The following DTL variants were observed in gnomAD, a reference collection of about 807,000 sequenced individuals.
DTL encodes the protein denticleless protein homolog.
In DTL, 46 loss-of-function variants were observed where a neutral mutation model predicts 87.0. That is an observed-to-expected ratio of 0.53 (90% CI 0.42 to 0.68). The LOEUF (loss-of-function observed/expected upper bound fraction) is 0.68. DTL is among the 30% of genes least tolerant of loss of function. DTL has a pLI of 0.00. For synonymous variants in DTL, 308 were observed against 311.2 expected, an observed-to-expected ratio of 0.99 and a Z score of 0.11; for missense variants, 737 against 869.4, an observed-to-expected ratio of 0.85 and a Z score of 1.91.
rs756978216 is a variant in DTL, at chr1:212,064,937, A to G, written c.547A>G (p.Asn183Asp). Residue 183 changes from asparagine (N) to aspartate (D), a missense_variant, in exon 7 of 15, where the codon AAT (asparagine) becomes GAT (aspartate). Physicochemically the swap from Asn to Asp is conservative, Grantham distance 23. Transcript: ENST00000366991. The part of the protein sequence containing the change: ...NKKDGFYRQV[N>D]QISGAHNTSD... ...TTCAGATGGGTTTTATAGGCAAGTG[A>G]ATCAAATCAGTGGAGCTCACAATAC... The G allele has an allele frequency of 6.2e-7, 1 of 1,614,078 alleles. No individual in the cohort carries two copies. Among genetic ancestry groups the G allele is most frequent in the Non-Finnish European group, 8.5e-7 (1 of 1,179,954 alleles).
intron 5 of DTL, among the ~76,000 whole-genome samples, chr1:212,048,016 G>C (rs17018403): frequency 0.026 from 3,997 of 152,212 alleles, 60 homozygotes; most frequent in African/African-American, 0.047. Context: ...GTTCAACCTT[G>C]ATTGTTCATT....
chr1:212,068,130 G>A, intron 8 of DTL, 94 bp from the exon 9 acceptor site: 3 of 722,618 alleles, frequency 4.2e-6, no homozygotes, highest in South Asian at 3.8e-5. Context: ...TGTGCCAGAG[G>A]AGTTAGATTA....
At chr1:212,066,293 T>G (rs1199486542) in intron 7 of DTL, among the ~76,000 whole-genome samples, 1 of 152,152 alleles carries the variant, frequency 6.6e-6, no homozygotes, top group African/African-American at 2.4e-5. Context: ...CCATATGAAG[T>G]TAAAACGAGT....
At chr1:212,060,842 T>G (rs550089391) in intron 5 of DTL, among the ~76,000 whole-genome samples, 20 of 151,960 alleles carry the variant, frequency 1.3e-4, no homozygotes, top group Non-Finnish European at 2.6e-4. Context: ...GGATATTGGT[T>G]TAGGCAAAGA....
rs1414475905 is a variant in DTL at position 212,059,135 on chromosome 1, A to C, written c.461-3749A>C. Among the ~76,000 whole-genome samples, 5 of 152,310 alleles carry C rather than the reference A, an allele frequency of 3.3e-5. No homozygotes were observed. In the East Asian group the frequency reaches 9.6e-4, roughly 29 times the overall value. Reference sequence around the variant, plus strand: ...AACACCAGTTCTCAAACTATTCCAAAAATTGAAAAGGATGGGAATTCTCCC... The same window carrying C: ...AACACCAGTTCTCAAACTATTCCAACAATTGAAAAGGATGGGAATTCTCCC... On this transcript the variant is annotated intron_variant, in intron 5 of 14. Transcript: ENST00000366991.
chr1:212,048,260 G>A (rs1667863767), intron 5 of DTL, among the ~76,000 whole-genome samples: 1 of 152,124 alleles, frequency 6.6e-6, no homozygotes, highest in Non-Finnish European at 1.5e-5. Flanking sequence ...CTCGATCTCA[G>A]CTCACTGCAG....
chr1:212,079,908 C>T (rs187597335), intron 12 of DTL, among the ~76,000 whole-genome samples: 28 of 152,248 alleles, frequency 1.8e-4, no homozygotes, highest in African/African-American at 5.5e-4. Context: ...ATTATATAAA[C>T]AAATGCTGGG....
At chr1:212,098,995 A>G (rs922317284) in intron 13 of DTL, among the ~76,000 whole-genome samples, 12 of 152,098 alleles carry the variant, frequency 7.9e-5, no homozygotes, top group African/African-American at 2.4e-4. Context: ...CCTTCTCCCT[A>G]TGGTCCTTCC....
intron 5 of DTL, among the ~76,000 whole-genome samples, chr1:212,061,745 C>T (rs1654324836): frequency 2.0e-5 from 3 of 152,138 alleles, no homozygotes; most frequent in African/African-American, 7.2e-5. Flanking sequence ...TTATGTTAAA[C>T]AAGCCAGGCA....
chr1:212,075,165 C>G (rs1654793073), intron 11 of DTL, among the ~76,000 whole-genome samples: 1 of 152,120 alleles, frequency 6.6e-6, no homozygotes, highest in South Asian at 2.1e-4. Flanking sequence ...TCCAACTGGG[C>G]AGAGAAGAGA....
At chr1:212,072,923 C>T (rs1001633550) in intron 11 of DTL, among the ~76,000 whole-genome samples, 1 of 151,948 alleles carries the variant, frequency 6.6e-6, no homozygotes, top group Non-Finnish European at 1.5e-5. Context: ...GCCACCACGC[C>T]CGGCTAATTT....
At chr1:212,041,967 A>G (rs531809216) in intron 1 of DTL, among the ~76,000 whole-genome samples, 2 of 152,306 alleles carry the variant, frequency 1.3e-5, no homozygotes, top group Admixed American at 1.3e-4. Context: ...ATCCAAATGT[A>G]GATTTGTCTG....
chr1:212,060,329 A>G (rs1330159008), intron 5 of DTL, among the ~76,000 whole-genome samples: 2 of 152,228 alleles, frequency 1.3e-5, no homozygotes, highest in East Asian at 3.8e-4. Context: ...CCATATATTT[A>G]CAGCCAATTG....
intron 12 of DTL, among the ~76,000 whole-genome samples, chr1:212,079,037 A>G (rs1654917459): frequency 1.3e-5 from 2 of 151,870 alleles, no homozygotes; most frequent in African/African-American, 4.8e-5. Context: ...TCTGTTTTTT[A>G]TCTTCCAGAA....
intron 1 of DTL, among the ~76,000 whole-genome samples, chr1:212,042,435 A>G (rs781544451): frequency 5.9e-5 from 9 of 152,222 alleles, no homozygotes; most frequent in Non-Finnish European, 1.3e-4. Flanking sequence ...TTCACTTTAC[A>G]ATTTCTCTAA....
At chr1:212,065,305 A>T (rs536860245) in intron 7 of DTL, among the ~76,000 whole-genome samples, 12 of 152,318 alleles carry the variant, frequency 7.9e-5, no homozygotes, top group African/African-American at 2.6e-4. Flanking sequence ...AATTAGATTG[A>T]ATTAAACATA....
chr1:212,064,947 G>T lies in DTL; in HGVS notation c.557G>T (p.Ser186Ile), dbSNP rs1571957876. The change falls in exon 7 of 15, where the codon AGT becomes ATT. Residue 186 changes from serine to isoleucine, a missense_variant. Physicochemically the swap from Ser to Ile is moderately radical, Grantham distance 142. Coordinates refer to ENST00000366991, the MANE Select transcript of DTL (RefSeq NM_016448.4). ...DGFYRQVNQI[S>I]GAHNTSDKQT... is the part of the protein sequence containing the mutation. ...TTTTATAGGCAAGTGAATCAAATCA[G>T]TGGAGCTCACAATACCTCAGACAAG... 2 of 1,614,076 alleles carry T rather than the reference G, an allele frequency of 1.2e-6. No individual in the cohort carries two copies. Among genetic ancestry groups the T allele is most frequent in the African/African-American group, 2.7e-5 (2 of 75,030 alleles).
At position 212,080,359 on chromosome 1, in the gene DTL, GA is replaced by G. The variant is rs1262975127; in HGVS notation, c.1126-253del. On this transcript the variant is annotated intron_variant, in intron 12 of 14. Transcript: ENST00000366991. ...AGAGCCAGAACTTTAGATTAGATAA[GA>G]AATGACCAGTAACAAAAGACATACT... 5 of 288,134 alleles carry G rather than the reference GA, an allele frequency of 1.7e-5. No homozygotes were observed. The Admixed American group carries it at 1.9e-4, about 11-fold the overall frequency. 17.8% of individuals were successfully genotyped at this position (288,134 alleles called of 1,614,324 possible).
intron 13 of DTL, among the ~76,000 whole-genome samples, chr1:212,085,907 C>T (rs1299120612): frequency 6.6e-6 from 1 of 152,092 alleles, no homozygotes; most frequent in Non-Finnish European, 1.5e-5. Context: ...GTCATGGCAC[C>T]CTTGGTAAAA....
Sources: gnomAD v4.1 joint callset for allele counts (sites outside exome capture counted in the v4.1 genomes callset) on GRCh38, gnomAD v4.1.1 for gene constraint, MANE v1.5 for transcripts, NCBI Gene and HGNC (gene_info 2026-07-23, HGNC 2026-07-21) for gene names.